The following LRRC75A variants were observed in gnomAD, a reference collection of about 807,000 sequenced individuals.
LRRC75A encodes leucine-rich repeat-containing protein 75A.
A neutral mutation model predicts 26.0 loss-of-function variants in LRRC75A; 12 were observed. That is an observed-to-expected ratio of 0.46 (90% CI 0.30 to 0.75). LRRC75A has a LOEUF of 0.75. LRRC75A is among the 30% of genes least tolerant of loss of function. The pLI is 0.08. For missense variants in LRRC75A, 410 were observed against 486.6 expected, an observed-to-expected ratio of 0.84 and a Z score of 1.48; for synonymous variants, 223 against 219.3, an observed-to-expected ratio of 1.02 and a Z score of -0.15.
chr17:16,456,828 T>C (rs988439973), intron 2 of LRRC75A, among the ~76,000 whole-genome samples: 2 of 152,192 alleles, frequency 1.3e-5, no homozygotes, highest in African/African-American at 2.4e-5. Context: ...TGCAGCAGAA[T>C]CCTAACCCGC....
intron 2 of LRRC75A, among the ~76,000 whole-genome samples, chr17:16,455,374 G>C (rs1338185275): frequency 7.0e-6 from 1 of 143,536 alleles, no homozygotes; most frequent in Non-Finnish European, 1.5e-5. Context: ...GTACCACACA[G>C]TTCTGCCCTA....
intron 1 of LRRC75A, among the ~76,000 whole-genome samples, chr17:16,481,423 C>G (rs1233147656): frequency 6.6e-6 from 1 of 152,198 alleles, no homozygotes; most frequent in Non-Finnish European, 1.5e-5. Context: ...CTGTGGAGAA[C>G]CCTAATACAG....
In LRRC75A at chr17:16,492,050, G is replaced by A. The variant is rs1242120253; in HGVS notation, c.-60C>T. On this transcript the variant is annotated 5_prime_UTR_variant, in exon 1 of 4. Coordinates refer to ENST00000470794, the MANE Select transcript of LRRC75A (RefSeq NM_001113567.3). ...CCGCGAGGCCGCGTCCCCGCCAACC[G>A]CCCGCCCCTCGGCCGCCCGTGCGCG... is the stretch of plus-strand genomic sequence containing the variant. 7 of 1,090,804 alleles carry A rather than the reference G, an allele frequency of 6.4e-6. No individual in the cohort carries two copies. Among genetic ancestry groups the A allele is most frequent in the Non-Finnish European group, 6.7e-6 (6 of 900,286 alleles). The allele number at this position is 1,090,804 out of a possible 1,614,324, so 67.6% of individuals were successfully genotyped here.
chr17:16,470,342 G>A (rs1470214784), intron 1 of LRRC75A: 3 of 152,220 alleles, frequency 2.0e-5, no homozygotes, highest in African/African-American at 7.2e-5. Context: ...GCCGGGGAAA[G>A]GAGGACGCAG....
chr17:16,491,748 G>C lies in LRRC75A; in HGVS notation c.243C>G (p.Arg81=). Reference sequence around the variant, plus strand: ...CGCGCCCCCTCCCCGCGCTCACCTGGCGCAGGTGCTGCAGCAGCGTCCCCG... The same window carrying C: ...CGCGCCCCCTCCCCGCGCTCACCTGCCGCAGGTGCTGCAGCAGCGTCCCCG... The part of the protein sequence containing the change: ...EEAGTLLQHL[R]QDLGMESTSL... Residue 81 remains arginine (R), a synonymous_variant, in exon 1 of 4, where the codon CGC becomes CGG. Transcript: ENST00000470794. This position sits in a 1 kb window ranked among gnomAD's most constrained non-coding sequence, Gnocchi z 5.9. 1 of 1,398,172 alleles carries C rather than the reference G, an allele frequency of 7.2e-7. No individual in the cohort carries two copies. The allele number at this position is 1,398,172 out of a possible 1,614,324, so 86.6% of individuals were successfully genotyped here.
intron 2 of LRRC75A, among the ~76,000 whole-genome samples, chr17:16,457,972 TCAAAA>T (rs1227362250): frequency 1.3e-5 from 2 of 150,042 alleles, no homozygotes; most frequent in Non-Finnish European, 3.0e-5. Flanking sequence ...GGACCCTGTC[TCAAAA>T]CAAACAAACA....
intron 2 of LRRC75A, among the ~76,000 whole-genome samples, chr17:16,457,758 G>A (rs568226808): frequency 6.6e-6 from 1 of 152,156 alleles, no homozygotes; most frequent in South Asian, 2.1e-4. Flanking sequence ...TTGAGGCCAG[G>A]AGTTTGAGAC....
intron 1 of LRRC75A, among the ~76,000 whole-genome samples, chr17:16,479,069 A>T (rs2093827628): frequency 6.6e-6 from 1 of 152,206 alleles, no homozygotes. Context: ...GGGCTCATGG[A>T]AGCCCAACAA....
At chr17:16,461,388 T>C (rs544018103) in intron 2 of LRRC75A, 1 of 152,418 alleles carries the variant, frequency 6.6e-6, no homozygotes, top group African/African-American at 2.4e-5. Context: ...AATTGAGGGA[T>C]GAGACAGAAA....
intron 1 of LRRC75A, among the ~76,000 whole-genome samples, chr17:16,472,999 T>C (rs990911165): frequency 6.6e-6 from 1 of 152,166 alleles, no homozygotes; most frequent in Non-Finnish European, 1.5e-5. Context: ...AACATCGACA[T>C]TTAAATGGAC....
At chr17:16,475,812 T>C (rs1215955248) in intron 1 of LRRC75A, among the ~76,000 whole-genome samples, 5 of 152,068 alleles carry the variant, frequency 3.3e-5, no homozygotes, top group African/African-American at 4.8e-5. Context: ...TTTGGGAGGC[T>C]GAGGTGGGCG....
At chr17:16,466,883 G>C (rs938120521) in intron 1 of LRRC75A, among the ~76,000 whole-genome samples, 1 of 152,122 alleles carries the variant, frequency 6.6e-6, no homozygotes. Flanking sequence ...GTAGACTTTG[G>C]GGAAGCACCC....
At chr17:16,457,833 G>C (rs973257065) in intron 2 of LRRC75A, among the ~76,000 whole-genome samples, 2 of 151,674 alleles carry the variant, frequency 1.3e-5, no homozygotes, top group Non-Finnish European at 2.9e-5. Flanking sequence ...AATTAGCTAG[G>C]CATGGTGGTG....
At position 16,442,100 on chromosome 17, in the gene LRRC75A, T is replaced by C. The variant is rs2093532850; in HGVS notation, c.*1488A>G. The C allele has an allele frequency of 6.6e-6, 1 of 152,374 alleles. No homozygotes were observed. Among genetic ancestry groups the C allele is most frequent in the Non-Finnish European group, 1.5e-5 (1 of 68,160 alleles). The allele number at this position is 152,374 out of a possible 1,614,324, so 9.4% of individuals were successfully genotyped here. A position where few individuals can be genotyped will look rare whatever the true frequency, so the allele number is the denominator to read the frequency against. On this transcript the variant is annotated 3_prime_UTR_variant, in exon 4 of 4. Transcript: ENST00000470794. ...TAGCAGTCCAGATATTCGCTCTAGC[T>C]TGTAAACTTCCCTGTGGTCAGCCTA...
chr17:16,488,214 G>A (rs2093850849), intron 1 of LRRC75A, among the ~76,000 whole-genome samples: 1 of 152,248 alleles, frequency 6.6e-6, no homozygotes, highest in Non-Finnish European at 1.5e-5. Context: ...GACATCTGGG[G>A]AAGGGGAAAG....
Position 16,492,153 on chromosome 17 carries a change from C to T in LRRC75A, c.-163G>A, listed in dbSNP as rs961023012. On this transcript the variant is annotated 5_prime_UTR_variant, in exon 1 of 4. Coordinates refer to ENST00000470794, the MANE Select transcript of LRRC75A (RefSeq NM_001113567.3). ...GGGCGGGCGGGCGGGCGGCTGTCGG[C>T]GCTCCCCGCGCTCCTCCCTCTTGGC... is the stretch of plus-strand genomic sequence containing the variant. 242 of 398,400 alleles carry T rather than the reference C, an allele frequency of 6.1e-4. No individual in the cohort carries two copies. Among genetic ancestry groups the T allele is most frequent in the Non-Finnish European group, 7.7e-4 (227 of 294,962 alleles). 24.7% of individuals were successfully genotyped at this position (398,400 alleles called of 1,614,324 possible).
intron 2 of LRRC75A, among the ~76,000 whole-genome samples, chr17:16,454,480 T>C (rs939193984): frequency 2.0e-5 from 3 of 151,484 alleles, no homozygotes; most frequent in African/African-American, 7.3e-5. Context: ...TCACCTGAGG[T>C]TGGGAGTTTG....
At chr17:16,469,640 C>T (rs192433038) in intron 1 of LRRC75A, among the ~76,000 whole-genome samples, 12 of 152,358 alleles carry the variant, frequency 7.9e-5, no homozygotes, top group Admixed American at 3.3e-4. Context: ...TGACTCTGAC[C>T]TTGAGAAGGG....
intron 1 of LRRC75A, among the ~76,000 whole-genome samples, chr17:16,490,483 G>T (rs1027207521): frequency 2.6e-5 from 4 of 152,320 alleles, no homozygotes; most frequent in Non-Finnish European, 2.9e-5. Flanking sequence ...TCTGGAAGTT[G>T]TTGGGGAAAA....
Sources: gnomAD v4.1 joint callset for allele counts (sites outside exome capture counted in the v4.1 genomes callset) on GRCh38, gnomAD v4.1.1 for gene constraint, Gnocchi (gnomAD v3.1) non-coding constraint, MANE v1.5 for transcripts, NCBI Gene and HGNC (gene_info 2026-07-23, HGNC 2026-07-21) for gene names.